The following SCHIP1 variants were observed in gnomAD, a reference collection of about 807,000 sequenced individuals.
SCHIP1 encodes schwannomin interacting protein 1.
SCHIP1 carries 8 observed loss-of-function variants against 29.7 expected under a neutral mutation model. The ratio of observed to expected loss-of-function variants is 0.27; its 90% CI spans 0.16 to 0.49. SCHIP1 has a LOEUF of 0.49. Among genes scored for constraint, SCHIP1 ranks in the 20% least tolerant of loss-of-function variants. SCHIP1 has a pLI of 0.99. For missense variants in SCHIP1, 193 were observed against 294.6 expected, an observed-to-expected ratio of 0.66 and a Z score of 2.52; for synonymous variants, 76 against 94.9, an observed-to-expected ratio of 0.80 and a Z score of 1.16.
chr3:159,499,173 C>T, the SCHIP1 span, among the ~76,000 whole-genome samples: 71 of 152,294 alleles, frequency 4.7e-4, no homozygotes, highest in South Asian at 4.8e-3. Context: ...ATAGTTCTTT[C>T]CTCTACTGAA....
At chr3:159,797,905 A>G in the SCHIP1 span, among the ~76,000 whole-genome samples, 4 of 152,248 alleles carry the variant, frequency 2.6e-5, no homozygotes, top group Non-Finnish European at 5.9e-5. Context: ...AGGAAGAGGC[A>G]GCAGAAAATT....
the SCHIP1 span, among the ~76,000 whole-genome samples, chr3:159,818,581 T>TG: frequency 6.6e-6 from 1 of 152,364 alleles, no homozygotes; most frequent in Non-Finnish European, 1.5e-5. Context: ...TAGGGAAGCC[T>TG]GGGGCAGGGA....
At chr3:159,583,436 A>C in the SCHIP1 span, among the ~76,000 whole-genome samples, 1 of 152,196 alleles carries the variant, frequency 6.6e-6, no homozygotes, top group Admixed American at 6.6e-5. Context: ...TTTTAAAAGA[A>C]ACGCTCCACT....
the SCHIP1 span, among the ~76,000 whole-genome samples, chr3:159,277,158 A>AT: frequency 6.6e-6 from 1 of 152,152 alleles, no homozygotes; most frequent in South Asian, 2.1e-4. Flanking sequence ...CAGGAAAAAA[A>AT]AACCCCACTT....
chr3:159,645,577 C>T, the SCHIP1 span, among the ~76,000 whole-genome samples: 2 of 152,252 alleles, frequency 1.3e-5, no homozygotes, highest in East Asian at 1.9e-4. Context: ...CAGGCACCCT[C>T]TGCGTGTATT....
chr3:159,465,615 A>G, the SCHIP1 span, among the ~76,000 whole-genome samples: 3 of 152,152 alleles, frequency 2.0e-5, no homozygotes, highest in Non-Finnish European at 4.4e-5. Flanking sequence ...AAAGGTCAGT[A>G]TTTCCTTTGA....
the SCHIP1 span, among the ~76,000 whole-genome samples, chr3:159,702,765 T>A: frequency 3.1e-3 from 466 of 152,362 alleles, 3 homozygotes; most frequent in Middle Eastern, 0.01. Flanking sequence ...CTCATGCACT[T>A]AATTTTCCAA....
the SCHIP1 span, chr3:159,764,325 C>T: frequency 3.2e-6 from 4 of 1,257,154 alleles, no homozygotes; most frequent in African/African-American, 4.5e-5. The surrounding 1 kb of genome is among the most constrained non-coding windows in gnomAD (Gnocchi z 6.1). Context: ...CCTTGGGGGA[C>T]GCACCTCTGA....
At chr3:159,700,457 A>G in the SCHIP1 span, among the ~76,000 whole-genome samples, 1 of 152,224 alleles carries the variant, frequency 6.6e-6, no homozygotes, top group Non-Finnish European at 1.5e-5. Flanking sequence ...CTAAGTAAAC[A>G]ATTAGAGAAG....
At chr3:159,715,273 T>C in the SCHIP1 span, among the ~76,000 whole-genome samples, 1 of 152,120 alleles carries the variant, frequency 6.6e-6, no homozygotes, top group African/African-American at 2.4e-5. Context: ...CAAAGGTAGA[T>C]AAAACCACAA....
the SCHIP1 span, among the ~76,000 whole-genome samples, chr3:159,485,688 G>T: frequency 4.3e-3 from 656 of 152,232 alleles, 13 homozygotes; most frequent in East Asian, 0.028. Context: ...TGAGCAAGTT[G>T]TCCGTTTCCT....
chr3:159,889,634 C>G (rs185663616), intron 5 of SCHIP1, among the ~76,000 whole-genome samples: 198 of 152,258 alleles, frequency 1.3e-3, no homozygotes, highest in Middle Eastern at 6.8e-3. Context: ...TACGGTATTA[C>G]AGATTAAAAG....
chr3:159,716,160 C>A, the SCHIP1 span, among the ~76,000 whole-genome samples: 755 of 152,212 alleles, frequency 5.0e-3, 10 homozygotes, highest in Admixed American at 0.023. Context: ...AAGCTTCATA[C>A]GTGAAGGAGA....
chr3:159,884,349 CTGTGTGTGTGTG>C lies in SCHIP1; in HGVS notation c.150-1828_150-1817del, dbSNP rs10661642. ...AAAAAATATATATGTGTGTCTGTGT[CTGTGTGTGTGTG>C]TGTGTGTGTGTGTGTGTGTGTGTGT... On this transcript the variant is annotated intron_variant, in intron 2 of 6. Coordinates refer to ENST00000445224, the Ensembl canonical transcript of SCHIP1. 8.4e-3 allele frequency among the ~76,000 whole-genome samples: 1,187 copies of C among 140,648 alleles called. 17 individuals are homozygous for C. Among genetic ancestry groups the C allele is most frequent in the East Asian group, 0.052 (248 of 4,774 alleles). The allele number at this position is 140,648 out of a possible 152,430, so 92.3% of individuals were successfully genotyped here.
the SCHIP1 span, chr3:159,764,737 C>A: frequency 1.3e-6 from 2 of 1,572,208 alleles, no homozygotes; most frequent in East Asian, 2.4e-5. This position sits in a 1 kb window ranked among gnomAD's most constrained non-coding sequence, Gnocchi z 6.1. Flanking sequence ...CTCTCCGGCC[C>A]GGGAACCGGG....
chr3:159,543,347 TATCC>T, the SCHIP1 span, among the ~76,000 whole-genome samples: 1 of 124,388 alleles, frequency 8.0e-6, no homozygotes, highest in Non-Finnish European at 1.8e-5. Flanking sequence ...CTCCTAATGC[TATCC>T]CTCCCCCCTC....
At chr3:159,349,456 C>T in the SCHIP1 span, among the ~76,000 whole-genome samples, 1,200 of 152,228 alleles carry the variant, frequency 7.9e-3, 18 homozygotes, top group African/African-American at 0.027. Flanking sequence ...CTTTTTAATC[C>T]ATTTACACAT....
the SCHIP1 span, among the ~76,000 whole-genome samples, chr3:159,319,526 C>A: frequency 0.022 from 3,293 of 152,204 alleles, 107 homozygotes; most frequent in African/African-American, 0.075. Flanking sequence ...TTTAGGGTGA[C>A]CCTTTAAGAT....
chr3:159,323,607 A>T, the SCHIP1 span, among the ~76,000 whole-genome samples: 1 of 152,230 alleles, frequency 6.6e-6, no homozygotes, highest in Admixed American at 6.5e-5. Context: ...TACTCTATTA[A>T]GCAATGCTGT....
Sources: gnomAD v4.1 joint callset for allele counts (sites outside exome capture counted in the v4.1 genomes callset) on GRCh38, gnomAD v4.1.1 for gene constraint, Gnocchi (gnomAD v3.1) non-coding constraint, MANE v1.5 for transcripts, NCBI Gene and HGNC (gene_info 2026-07-23, HGNC 2026-07-21) for gene names.